Variants in HS3ST5 observed in about 807,000 individuals in gnomAD.
HS3ST5 encodes heparan sulfate-glucosamine 3-sulfotransferase 5.
HS3ST5 carries 10 observed loss-of-function variants against 25.4 expected under a neutral mutation model. That is an observed-to-expected ratio of 0.39 (90% CI 0.24 to 0.67). HS3ST5 has a LOEUF of 0.67. Among genes scored for constraint, HS3ST5 ranks in the 30% least tolerant of loss-of-function variants. The pLI is 0.44. For missense variants in HS3ST5, 324 were observed against 420.7 expected, an observed-to-expected ratio of 0.77 and a Z score of 2.01; for synonymous variants, 170 against 162.4, an observed-to-expected ratio of 1.05 and a Z score of -0.36.
chr6:114,073,038 T>C lies in HS3ST5; in HGVS notation c.-32-10161A>G, dbSNP rs555434433. 2.3e-3 allele frequency among the ~76,000 whole-genome samples: 350 copies of C among 152,152 alleles called. 1 individual carries two copies. Among genetic ancestry groups the C allele is most frequent in the African/African-American group, 8.2e-3 (342 of 41,520 alleles). The stretch of plus-strand genomic sequence containing the variant: ...TGACAAACCTGACAAAAACAAGAAA[T>C]GGGGAAAGGATTCCTTATTTAATAA... On this transcript the variant is annotated intron_variant, in intron 3 of 4. Coordinates refer to ENST00000312719, the MANE Select transcript of HS3ST5 (RefSeq NM_153612.4).
At chr6:114,061,265 G>A (rs1027527722) in intron 4 of HS3ST5, among the ~76,000 whole-genome samples, 4 of 152,158 alleles carry the variant, frequency 2.6e-5, no homozygotes, top group African/African-American at 7.2e-5. Context: ...TTCCATTACA[G>A]AGGTAGGCCA....
intron 1 of HS3ST5, among the ~76,000 whole-genome samples, chr6:114,257,722 G>A (rs1562255185): frequency 6.6e-6 from 1 of 151,932 alleles, no homozygotes; most frequent in Non-Finnish European, 1.5e-5. Flanking sequence ...ACGTATATTA[G>A]TTCTTCTTCT....
At chr6:114,248,649 C>T (rs988929490) in intron 1 of HS3ST5, among the ~76,000 whole-genome samples, 1 of 152,142 alleles carries the variant, frequency 6.6e-6, no homozygotes, top group Non-Finnish European at 1.5e-5. Flanking sequence ...TGGGACCAGT[C>T]ACTGTATTAG....
intron 2 of HS3ST5, among the ~76,000 whole-genome samples, chr6:114,196,850 A>G (rs1780783425): frequency 6.9e-6 from 1 of 144,290 alleles, no homozygotes. Context: ...GGAAGGAGAA[A>G]CTAAAGTCCA....
intron 1 of HS3ST5, among the ~76,000 whole-genome samples, chr6:114,230,682 G>A (rs1771542907): frequency 6.6e-6 from 1 of 150,606 alleles, no homozygotes; most frequent in Admixed American, 6.6e-5. Context: ...CCATCTTCTG[G>A]GTTCAAGTGT....
At chr6:114,303,110 C>G (rs1775147216) in intron 1 of HS3ST5, among the ~76,000 whole-genome samples, 1 of 152,110 alleles carries the variant, frequency 6.6e-6, no homozygotes, top group Non-Finnish European at 1.5e-5. Context: ...TGGGGTGTAA[C>G]CAGGTTTCAC....
At position 114,160,333 on chromosome 6, in the gene HS3ST5, A is replaced by T. The variant is rs534084206; in HGVS notation, c.-33+8018T>A. Among the ~76,000 whole-genome samples the T allele has an allele frequency of 3.9e-5, 6 of 152,020 alleles. No individual in the cohort carries two copies. In the East Asian group the frequency reaches 1.2e-3, roughly 29 times the overall value. On this transcript the variant is annotated intron_variant, in intron 3 of 4. Transcript: ENST00000312719. ...ATTGAATGGAGAACGACTAAAAAAA[A>T]ATCTCTATCAAAGTGCTAATTCATA...
intron 1 of HS3ST5, among the ~76,000 whole-genome samples, chr6:114,296,681 T>C (rs1322246660): frequency 2.6e-5 from 4 of 152,142 alleles, no homozygotes; most frequent in Admixed American, 2.6e-4. Flanking sequence ...CCTGTTAAAG[T>C]AAAGGGCACA....
At chr6:114,249,258 A>G (rs1772530065) in intron 1 of HS3ST5, among the ~76,000 whole-genome samples, 1 of 152,216 alleles carries the variant, frequency 6.6e-6, no homozygotes, top group Non-Finnish European at 1.5e-5. Context: ...ATTAATAATT[A>G]ATCTTTTAGG....
At chr6:114,276,373 G>A (rs1773853177) in intron 1 of HS3ST5, among the ~76,000 whole-genome samples, 2 of 151,776 alleles carry the variant, frequency 1.3e-5, no homozygotes, top group Non-Finnish European at 2.9e-5. Context: ...CACATAAAAT[G>A]TTATTTATAT....
In HS3ST5 at chr6:114,147,022, G is replaced by A. The variant is rs562613693; in HGVS notation, c.-33+21329C>T. Among the ~76,000 whole-genome samples the A allele has an allele frequency of 9.9e-5, 15 of 152,254 alleles. No homozygotes were observed. The East Asian group carries it at 2.3e-3, about 24-fold the overall frequency. On this transcript the variant is annotated intron_variant, in intron 3 of 4. Transcript: ENST00000312719. ...ACTGGTATGGATCAGGGACTACTAT[G>A]TGTTTCCCTTTCTTTCTTTTCTGAA... is the stretch of plus-strand genomic sequence containing the variant.
intron 1 of HS3ST5, among the ~76,000 whole-genome samples, chr6:114,289,432 A>G (rs1443475153): frequency 6.6e-6 from 1 of 152,152 alleles, no homozygotes; most frequent in African/African-American, 2.4e-5. Flanking sequence ...ATAAAATTTA[A>G]AGACATCCCA....
At chr6:114,213,002 C>T (rs1226225538) in intron 2 of HS3ST5, among the ~76,000 whole-genome samples, 1 of 152,038 alleles carries the variant, frequency 6.6e-6, no homozygotes, top group Non-Finnish European at 1.5e-5. Context: ...CCTGAGCTCT[C>T]GTTCAGCATA....
intron 2 of HS3ST5, among the ~76,000 whole-genome samples, chr6:114,184,022 T>C (rs1202793367): frequency 6.6e-6 from 1 of 151,692 alleles, no homozygotes; most frequent in East Asian, 1.9e-4. Flanking sequence ...TATAGGATAT[T>C]TAGCTGAGAA....
chr6:114,247,208 G>A (rs575373945), intron 1 of HS3ST5, among the ~76,000 whole-genome samples: 4 of 152,228 alleles, frequency 2.6e-5, no homozygotes, highest in East Asian at 1.9e-4. Flanking sequence ...GTTGCAACAC[G>A]GTGGTTCTTC....
At chr6:114,166,803 G>A (rs1175625201) in intron 3 of HS3ST5, among the ~76,000 whole-genome samples, 1 of 151,964 alleles carries the variant, frequency 6.6e-6, no homozygotes, top group Non-Finnish European at 1.5e-5. Context: ...AATACTTGTT[G>A]AGTTGCATTT....
chr6:114,140,975 C>A (rs1363143905), intron 3 of HS3ST5, among the ~76,000 whole-genome samples: 2 of 152,142 alleles, frequency 1.3e-5, no homozygotes, highest in African/African-American at 4.8e-5. Flanking sequence ...GAGTGAGAAA[C>A]AATGCCTGTA....
intron 3 of HS3ST5, among the ~76,000 whole-genome samples, chr6:114,162,528 T>G (rs76076120): frequency 0.063 from 9,566 of 152,248 alleles, 340 homozygotes; most frequent in Non-Finnish European, 0.076. Flanking sequence ...GATTAATCTT[T>G]TTTAAAGGAC....
chr6:114,070,635 C>A (rs1282678793), intron 3 of HS3ST5, among the ~76,000 whole-genome samples: 1 of 152,160 alleles, frequency 6.6e-6, no homozygotes, highest in Non-Finnish European at 1.5e-5. Context: ...TTAAATCTGT[C>A]TTTGCCCTCT....
Sources: gnomAD v4.1 joint callset for allele counts (sites outside exome capture counted in the v4.1 genomes callset) on GRCh38, gnomAD v4.1.1 for gene constraint, MANE v1.5 for transcripts, NCBI Gene and HGNC (gene_info 2026-07-23, HGNC 2026-07-21) for gene names.